The following CTNND2 variants were observed in gnomAD, a reference collection of about 807,000 sequenced individuals.
CTNND2 encodes the protein catenin delta-2.
CTNND2 carries 22 observed loss-of-function variants against 144.4 expected under a neutral mutation model. That is an observed-to-expected ratio of 0.15 (90% CI 0.11 to 0.22). CTNND2 has a LOEUF of 0.22. Ranked by LOEUF, CTNND2 falls within the 10% of genes least tolerant of loss-of-function variation. CTNND2 has a pLI of 1.00. For synonymous variants in CTNND2, 751 were observed against 695.6 expected (o/e 1.08, Z -1.25); for missense variants, 1,353 against 1,618.8 (o/e 0.84, Z 2.82).
chr5:11,121,029 ATTG>A lies in CTNND2; in HGVS notation c.2160-3465_2160-3463del, dbSNP rs932423699. 6.2e-4 allele frequency among the ~76,000 whole-genome samples: 94 copies of A among 152,270 alleles called. No individual in the cohort carries two copies. In the Middle Eastern group the frequency reaches 0.014, roughly 22 times the overall value. On this transcript the variant is annotated intron_variant, in intron 12 of 21. Coordinates refer to ENST00000304623, the MANE Select transcript of CTNND2 (RefSeq NM_001332.4). ...TTTCAACCACAAATTTCAGCTTTTTATTGTTGTTGGTTAAGACTTTTGATCAAC... is the reference window on the plus strand; with the variant it reads ...TTTCAACCACAAATTTCAGCTTTTTATTGTTGGTTAAGACTTTTGATCAAC...
chr5:11,439,789 TATC>T lies in CTNND2; in HGVS notation c.288-27723_288-27721del, dbSNP rs1211997289. On this transcript the variant is annotated intron_variant, in intron 3 of 21. Transcript: ENST00000304623. The stretch of plus-strand genomic sequence containing the variant: ...CTATCTATCTATCTATCTATCTATC[TATC>T]TATCTATCTTATATATATGTGTGTA... Among the ~76,000 whole-genome samples, 50 of 141,646 alleles carry T rather than the reference TATC, an allele frequency of 3.5e-4. No individual in the cohort carries two copies. In the South Asian group the frequency reaches 0.011, roughly 32 times the overall value. The allele number at this position is 141,646 out of a possible 152,430, so 92.9% of individuals were successfully genotyped here.
intron 2 of CTNND2, among the ~76,000 whole-genome samples, chr5:11,650,855 T>C (rs574570520): frequency 9.8e-5 from 15 of 152,290 alleles, no homozygotes; most frequent in African/African-American, 3.6e-4. Flanking sequence ...TATGGTTATA[T>C]GCATGAGCAA....
At chr5:11,862,844 C>T (rs192610230) in intron 1 of CTNND2, among the ~76,000 whole-genome samples, 1 of 152,242 alleles carries the variant, frequency 6.6e-6, no homozygotes, top group African/African-American at 2.4e-5. Flanking sequence ...ATGAGAAAAA[C>T]AAGCACTATA....
At chr5:11,132,325 A>G (rs1329257511) in intron 12 of CTNND2, among the ~76,000 whole-genome samples, 1 of 152,178 alleles carries the variant, frequency 6.6e-6, no homozygotes, top group African/African-American at 2.4e-5. Flanking sequence ...GGTCTTTGTT[A>G]TAGACTGAAT....
chr5:10,991,025 C>T (rs61751688), intron 19 of CTNND2, among the ~76,000 whole-genome samples: 1 of 152,212 alleles, frequency 6.6e-6, no homozygotes, highest in Non-Finnish European at 1.5e-5. Context: ...GCTGGAATTA[C>T]AGAAATAAGA....
At chr5:11,847,996 A>G (rs1209863326) in intron 1 of CTNND2, among the ~76,000 whole-genome samples, 2 of 152,070 alleles carry the variant, frequency 1.3e-5, no homozygotes, top group East Asian at 3.8e-4. Context: ...AAAGTTATTT[A>G]ATGCTTATTT....
Position 11,446,914 on chromosome 5 carries a change from A to G in CTNND2, c.288-34845T>C, listed in dbSNP as rs115906376. On this transcript the variant is annotated intron_variant, in intron 3 of 21. Coordinates refer to ENST00000304623, the MANE Select transcript of CTNND2 (RefSeq NM_001332.4). Reference sequence around the variant, plus strand: ...GGGCGCCCAGCTTACAGTAGTGCCAACTGTTCTGGAACTTTACTGCTCCTC... The same window carrying G: ...GGGCGCCCAGCTTACAGTAGTGCCAGCTGTTCTGGAACTTTACTGCTCCTC... Among the ~76,000 whole-genome samples, 1,014 of 152,120 alleles carry G rather than the reference A, an allele frequency of 6.7e-3. 15 individuals carry two copies. The highest frequency in any genetic ancestry group is 0.023 in the African/African-American group (974 of 41,486).
chr5:11,686,293 G>A (rs910213727), intron 2 of CTNND2, among the ~76,000 whole-genome samples: 3 of 152,008 alleles, frequency 2.0e-5, no homozygotes, highest in African/African-American at 7.3e-5. Flanking sequence ...GTACAAAAGA[G>A]GAGGCCATGG....
intron 19 of CTNND2, among the ~76,000 whole-genome samples, chr5:10,990,722 A>C (rs1738581561): frequency 6.6e-6 from 1 of 152,180 alleles, no homozygotes; most frequent in Non-Finnish European, 1.5e-5. Context: ...TCTCTGGTAA[A>C]TCAGGATTAA....
chr5:11,600,189 C>A (rs537510668), intron 2 of CTNND2, among the ~76,000 whole-genome samples: 2 of 152,258 alleles, frequency 1.3e-5, no homozygotes, highest in East Asian at 3.9e-4. Flanking sequence ...GAATTACATA[C>A]CTATGCTAAT....
intron 2 of CTNND2, among the ~76,000 whole-genome samples, chr5:11,707,537 G>A (rs541750406): frequency 6.6e-6 from 1 of 152,282 alleles, no homozygotes; most frequent in African/African-American, 2.4e-5. Flanking sequence ...AGCCTCTGTA[G>A]TTCAGGAAGA....
At chr5:11,169,498 A>G (rs947892294) in intron 11 of CTNND2, among the ~76,000 whole-genome samples, 5 of 152,214 alleles carry the variant, frequency 3.3e-5, no homozygotes, top group Non-Finnish European at 5.9e-5. Context: ...ATCTCTATGC[A>G]TGGAACAAAG....
chr5:11,412,926 A>C (rs1761657470), intron 3 of CTNND2, among the ~76,000 whole-genome samples: 1 of 152,186 alleles, frequency 6.6e-6, no homozygotes, highest in Non-Finnish European at 1.5e-5. Flanking sequence ...TTAGTTTCAC[A>C]ACAGCACATG....
chr5:11,191,459 T>C (rs1178595150), intron 11 of CTNND2, among the ~76,000 whole-genome samples: 2 of 152,136 alleles, frequency 1.3e-5, no homozygotes, highest in African/African-American at 4.8e-5. Flanking sequence ...CCACCTCATA[T>C]AAGACCTGGA....
At chr5:11,361,186 A>G (rs1483217917) in intron 8 of CTNND2, among the ~76,000 whole-genome samples, 5 of 152,032 alleles carry the variant, frequency 3.3e-5, no homozygotes, top group Non-Finnish European at 5.9e-5. Flanking sequence ...ATGCCCGGCT[A>G]ATTTTTGTAT....
At chr5:11,883,357 G>A (rs1048440352) in intron 1 of CTNND2, among the ~76,000 whole-genome samples, 6 of 152,012 alleles carry the variant, frequency 3.9e-5, no homozygotes, top group African/African-American at 1.5e-4. Flanking sequence ...ACAGGCCTCA[G>A]CATGTAATGT....
At chr5:11,050,542 G>A (rs777556639) in intron 16 of CTNND2, among the ~76,000 whole-genome samples, 9 of 152,140 alleles carry the variant, frequency 5.9e-5, no homozygotes, top group African/African-American at 1.4e-4. Flanking sequence ...GCTCTATTAC[G>A]TTATAACTCT....
intron 9 of CTNND2, among the ~76,000 whole-genome samples, chr5:11,259,349 A>T (rs893258821): frequency 2.6e-5 from 4 of 152,196 alleles, no homozygotes; most frequent in African/African-American, 9.7e-5. Context: ...ACGCCAAAAA[A>T]AAAGATGGCA....
At chr5:11,900,335 G>T (rs1398576343) in intron 1 of CTNND2, among the ~76,000 whole-genome samples, 2 of 152,236 alleles carry the variant, frequency 1.3e-5, no homozygotes, top group South Asian at 2.1e-4. Context: ...AACAACTGGA[G>T]GTGTCATAAC....
Sources: gnomAD v4.1 joint callset for allele counts (sites outside exome capture counted in the v4.1 genomes callset) on GRCh38, gnomAD v4.1.1 for gene constraint, MANE v1.5 for transcripts, NCBI Gene and HGNC (gene_info 2026-07-23, HGNC 2026-07-21) for gene names.